Variants in TMEM72 observed in about 807,000 individuals in gnomAD.
TMEM72 encodes transmembrane protein 72, also known as kidney-specific secretory protein of 37 kDa.
A neutral mutation model predicts 16.3 loss-of-function variants in TMEM72; 9 were observed. The ratio of observed to expected loss-of-function variants is 0.55; its 90% CI spans 0.33 to 0.96. The LOEUF (loss-of-function observed/expected upper bound fraction) is 0.96. Ranked by LOEUF, TMEM72 falls within the 40% of genes least tolerant of loss-of-function variation. TMEM72 has a pLI of 0.03. For missense variants in TMEM72, 324 were observed against 337.8 expected, an observed-to-expected ratio of 0.96 and a Z score of 0.32; for synonymous variants, 160 against 146.5, an observed-to-expected ratio of 1.09 and a Z score of -0.66.
chr10:44,912,578 T>C (rs1276194139), intron 1 of TMEM72, among the ~76,000 whole-genome samples: 1 of 152,206 alleles, frequency 6.6e-6, no homozygotes, highest in Non-Finnish European at 1.5e-5. Flanking sequence ...ACTTGCGTGA[T>C]ATATGACCTT....
intron 2 of TMEM72, among the ~76,000 whole-genome samples, chr10:44,930,358 G>A (rs1308197060): frequency 6.6e-6 from 1 of 152,276 alleles, no homozygotes; most frequent in South Asian, 2.1e-4. Context: ...GTCTTGATGT[G>A]CCTGTTAGGC....
rs753484978 is a variant in TMEM72, at chr10:44,934,742, C to A, written c.436C>A (p.Pro146Thr). The A allele has an allele frequency of 3.1e-6, 5 of 1,613,482 alleles. No homozygotes were observed. In the Admixed American group the frequency reaches 8.3e-5, roughly 27 times the overall value. ...RKAAPEVLASPEQYTDPSSSA... is the reference protein window; with the variant it reads ...RKAAPEVLASTEQYTDPSSSA... ...AGCTGCCCCCGAGGTGCTGGCCTCC[C>A]CAGAGCAGTACACAGACCCCTCTAG... is the stretch of plus-strand genomic sequence containing the variant. Residue 146 changes from proline (P) to threonine (T), a missense_variant, in exon 5 of 5, where the codon CCA (proline) becomes ACA (threonine). By Grantham distance (38) the Pro-to-Thr change is conservative. Transcript: ENST00000389583.
chr10:44,912,128 C>A (rs141010988), intron 1 of TMEM72, among the ~76,000 whole-genome samples: 197 of 152,326 alleles, frequency 1.3e-3, no homozygotes, highest in African/African-American at 4.6e-3. Context: ...AACAGAACAC[C>A]CTGTAGGAAC....
intron 1 of TMEM72, among the ~76,000 whole-genome samples, chr10:44,914,952 G>A (rs1839992205): frequency 6.6e-6 from 1 of 152,304 alleles, no homozygotes; most frequent in Admixed American, 6.5e-5. Flanking sequence ...AGGTGGCCAG[G>A]AAGAGCATGG....
chr10:44,920,929 G>A (rs1170302344), intron 1 of TMEM72, among the ~76,000 whole-genome samples: 2 of 152,182 alleles, frequency 1.3e-5, no homozygotes, highest in East Asian at 1.9e-4. Flanking sequence ...AACCCATGCT[G>A]AGACCAGAGC....
intron 1 of TMEM72, among the ~76,000 whole-genome samples, chr10:44,922,760 G>A (rs375134439): frequency 2.0e-5 from 3 of 152,214 alleles, no homozygotes; most frequent in African/African-American, 7.2e-5. Flanking sequence ...CCATGACCCA[G>A]TGGAAGTCCC....
intron 4 of TMEM72, 38 bp downstream of exon 4, chr10:44,933,814 AG>A (rs778788113): frequency 6.4e-7 from 1 of 1,574,432 alleles, no homozygotes; most frequent in East Asian, 2.3e-5. Context: ...GCCCCAGCAC[AG>A]GTGGACTCTG....
intron 1 of TMEM72, among the ~76,000 whole-genome samples, chr10:44,919,400 A>AC (rs1840059235): frequency 6.6e-6 from 1 of 152,166 alleles, no homozygotes; most frequent in Admixed American, 6.6e-5. Context: ...AATAGAATCT[A>AC]CCCCAAAAGC....
At chr10:44,916,235 G>C (rs530271512) in intron 1 of TMEM72, among the ~76,000 whole-genome samples, 1 of 152,246 alleles carries the variant, frequency 6.6e-6, no homozygotes, top group South Asian at 2.1e-4. Context: ...CTGCTTGTCA[G>C]GCTGACGTGC....
intron 1 of TMEM72, among the ~76,000 whole-genome samples, chr10:44,914,119 T>C (rs1257996059): frequency 6.6e-6 from 1 of 152,178 alleles, no homozygotes; most frequent in Non-Finnish European, 1.5e-5. Context: ...CCTATGACTG[T>C]GGATGAAGCC....
chr10:44,935,070 C>T lies in TMEM72; in HGVS notation c.764C>T (p.Pro255Leu). 1 of 1,613,304 alleles carries T rather than the reference C, an allele frequency of 6.2e-7. No individual in the cohort carries two copies. Among genetic ancestry groups the T allele is most frequent in the Non-Finnish European group, 8.5e-7 (1 of 1,179,708 alleles). The change falls in exon 5 of 5, where the codon CCC becomes CTC. Residue 255 changes from proline (P) to leucine (L), a missense_variant. Pro to Leu is a moderately conservative substitution (Grantham distance 98). Coordinates refer to ENST00000389583, the MANE Select transcript of TMEM72 (RefSeq NM_001123376.3). ...EPEETTSDTT[P>L]IIPPPQAPLF... ...GAGGAGACCACCTCTGACACGACACCCATCATTCCCCCTCCCCAGGCCCCA... is the reference window on the plus strand; with the variant it reads ...GAGGAGACCACCTCTGACACGACACTCATCATTCCCCCTCCCCAGGCCCCA...
rs1343996299 is a variant in TMEM72, at chr10:44,934,683, C to T, written c.377C>T (p.Ala126Val). The change falls in exon 5 of 5, where the codon GCC (alanine) becomes GTC (valine). Residue 126 changes from alanine (A) to valine (V), a missense_variant. Ala to Val is a moderately conservative substitution (Grantham distance 64). Coordinates refer to ENST00000389583, the MANE Select transcript of TMEM72 (RefSeq NM_001123376.3). Reference sequence around the variant, plus strand: ...TCCATGCTCATCATCACCGGCCTGGCCTACTTCCTTCTGAGCAAGCGGAAG... The same window carrying T: ...TCCATGCTCATCATCACCGGCCTGGTCTACTTCCTTCTGAGCAAGCGGAAG... ...PGSMLIITGL[A>V]YFLLSKRKKR... The T allele has an allele frequency of 6.2e-7, 1 of 1,600,772 alleles. No homozygotes were observed. The highest frequency in any genetic ancestry group is 1.3e-5 in the African/African-American group (1 of 74,210).
chr10:44,929,217 G>C (rs1441098693), intron 2 of TMEM72, among the ~76,000 whole-genome samples: 5 of 152,196 alleles, frequency 3.3e-5, no homozygotes, highest in Non-Finnish European at 2.9e-5. Flanking sequence ...CTGGCAGGAA[G>C]GTGATCCCTG....
At position 44,911,425 on chromosome 10, in the gene TMEM72, C is replaced by T; in HGVS notation, c.-88C>T. Reference sequence around the variant, plus strand: ...GGTGTGCAGCCACAGCCAGCAGCCTCCTACCTACACAAGGGTGTTCGGGAG... The same window carrying T: ...GGTGTGCAGCCACAGCCAGCAGCCTTCTACCTACACAAGGGTGTTCGGGAG... On this transcript the variant is annotated 5_prime_UTR_variant, in exon 1 of 5. Coordinates refer to ENST00000389583, the MANE Select transcript of TMEM72 (RefSeq NM_001123376.3). 1 of 1,397,140 alleles carries T rather than the reference C, an allele frequency of 7.2e-7. No individual in the cohort carries two copies. The highest frequency in any genetic ancestry group is 9.8e-7 in the Non-Finnish European group (1 of 1,024,686). The allele number at this position is 1,397,140 out of a possible 1,614,324, so 86.5% of individuals were successfully genotyped here.
At chr10:44,913,470 A>G (rs1046532246) in intron 1 of TMEM72, among the ~76,000 whole-genome samples, 2 of 152,174 alleles carry the variant, frequency 1.3e-5, no homozygotes, top group Admixed American at 6.5e-5. Flanking sequence ...ACACACACAC[A>G]CACACACAAA....
chr10:44,914,280 T>A (rs142132851), intron 1 of TMEM72, among the ~76,000 whole-genome samples: 1 of 152,334 alleles, frequency 6.6e-6, no homozygotes, highest in Non-Finnish European at 1.5e-5. Flanking sequence ...CCTCAGGTAG[T>A]TGCACCTGGG....
intron 1 of TMEM72, among the ~76,000 whole-genome samples, chr10:44,918,952 T>C (rs1366289914): frequency 2.0e-5 from 3 of 151,538 alleles, no homozygotes; most frequent in Non-Finnish European, 4.4e-5. Flanking sequence ...CCTCCAGCAC[T>C]GTAGGAAATA....
At chr10:44,927,770 A>T in intron 1 of TMEM72, 151 bp from the exon 2 acceptor site, 1 of 739,224 alleles carries the variant, frequency 1.4e-6, no homozygotes, top group Non-Finnish European at 2.3e-6. Context: ...GCACCTTGCT[A>T]GTCACAGCTG....
intron 2 of TMEM72, among the ~76,000 whole-genome samples, chr10:44,929,447 G>C (rs1178104297): frequency 6.6e-6 from 1 of 152,192 alleles, no homozygotes; most frequent in Non-Finnish European, 1.5e-5. Flanking sequence ...GGTCCACCAG[G>C]CTGTGACCTC....
Sources: gnomAD v4.1 joint callset for allele counts (sites outside exome capture counted in the v4.1 genomes callset) on GRCh38, gnomAD v4.1.1 for gene constraint, MANE v1.5 for transcripts, NCBI Gene and HGNC (gene_info 2026-07-23, HGNC 2026-07-21) for gene names.